Variants in AUH observed in about 807,000 individuals in gnomAD.
AUH encodes the protein methylglutaconyl-CoA hydratase, mitochondrial.
AUH carries 29 observed loss-of-function variants against 42.3 expected under a neutral mutation model. That is an observed-to-expected ratio of 0.69 (90% CI 0.51 to 0.93). The LOEUF is 0.93. Among genes scored for constraint, AUH ranks in the 40% least tolerant of loss-of-function variants. The pLI, the probability that AUH is intolerant of heterozygous loss-of-function variation, is 0.00. For synonymous variants in AUH, 174 were observed against 166.4 expected (o/e 1.05, Z -0.35); for missense variants, 452 against 438.1 (o/e 1.03, Z -0.28).
intron 3 of AUH, among the ~76,000 whole-genome samples, chr9:91,334,647 A>G (rs1246625289): frequency 6.6e-6 from 1 of 152,188 alleles, no homozygotes; most frequent in Non-Finnish European, 1.5e-5. Flanking sequence ...TTCTATTGAT[A>G]CTATTTATCT....
At chr9:91,306,422 C>G in intron 4 of AUH, 1 of 976,706 alleles carries the variant, frequency 1.0e-6, no homozygotes, top group Non-Finnish European at 1.2e-6. Flanking sequence ...TAAATGCAGT[C>G]ACTTCTATTT....
In AUH at chr9:91,214,166, A is replaced by G; in HGVS notation, c.*182T>C. 1.7e-6 allele frequency: 1 copy of G among 605,654 alleles called. No homozygotes were observed. Among genetic ancestry groups the G allele is most frequent in the Admixed American group, 2.6e-5 (1 of 38,460 alleles). 37.5% of individuals were successfully genotyped at this position (605,654 alleles called of 1,614,324 possible). A position where few individuals can be genotyped will look rare whatever the true frequency, so the allele number is the denominator to read the frequency against. ...AGCTTTATAAATCTGAATGAATATGACATTTACACATTTGAATGAAGTACA... is the reference window on the plus strand; with the variant it reads ...AGCTTTATAAATCTGAATGAATATGGCATTTACACATTTGAATGAAGTACA... On this transcript the variant is annotated 3_prime_UTR_variant, in exon 10 of 10. Coordinates refer to ENST00000375731, the MANE Select transcript of AUH (RefSeq NM_001698.3).
chr9:91,345,320 C>T (rs1320868564), intron 3 of AUH, among the ~76,000 whole-genome samples: 2 of 151,806 alleles, frequency 1.3e-5, no homozygotes, highest in African/African-American at 2.4e-5. Context: ...AAAAAGAGTC[C>T]TAGAAGTAAA....
chr9:91,230,547 C>G (rs1055054598), intron 6 of AUH, among the ~76,000 whole-genome samples: 4 of 152,220 alleles, frequency 2.6e-5, no homozygotes, highest in Non-Finnish European at 5.9e-5. Context: ...GCCTTCTTCT[C>G]TCAGCTCGTC....
intron 6 of AUH, among the ~76,000 whole-genome samples, chr9:91,235,425 T>A (rs1828122167): frequency 6.6e-6 from 1 of 152,164 alleles, no homozygotes; most frequent in Non-Finnish European, 1.5e-5. Context: ...TCCGATATTA[T>A]GAACACTGAC....
intron 3 of AUH, among the ~76,000 whole-genome samples, chr9:91,347,642 G>A (rs1337301547): frequency 6.6e-6 from 1 of 152,048 alleles, no homozygotes; most frequent in Admixed American, 6.5e-5. Flanking sequence ...AAGAACAAGG[G>A]CAAAGACCAA....
chr9:91,243,638 C>G (rs546273229), intron 6 of AUH, among the ~76,000 whole-genome samples: 1 of 152,324 alleles, frequency 6.6e-6, no homozygotes, highest in African/African-American at 2.4e-5. Context: ...TGGAACTGAC[C>G]ACAAAGCACA....
At chr9:91,269,128 G>C (rs555032142) in intron 6 of AUH, among the ~76,000 whole-genome samples, 33 of 152,218 alleles carry the variant, frequency 2.2e-4, no homozygotes, top group African/African-American at 7.9e-4. Flanking sequence ...CTACAGGCGT[G>C]CGCCACCATG....
chr9:91,268,313 TAAACTCA>T, intron 6 of AUH, among the ~76,000 whole-genome samples: 1 of 152,204 alleles, frequency 6.6e-6, no homozygotes, highest in Non-Finnish European at 1.5e-5. Context: ...TGGTTTAAAA[TAAACTCA>T]TTCCAACATA....
At chr9:91,214,610 T>G (rs1324673192) in intron 9 of AUH, among the ~76,000 whole-genome samples, 185 bp from the exon 10 acceptor site, 4 of 152,212 alleles carry the variant, frequency 2.6e-5, no homozygotes, top group African/African-American at 9.7e-5. Context: ...TACCCCATTT[T>G]GCTCTTCTTT....
chr9:91,295,087 T>A (rs563929594), intron 6 of AUH, among the ~76,000 whole-genome samples: 2 of 152,312 alleles, frequency 1.3e-5, no homozygotes, highest in South Asian at 2.1e-4. Context: ...ATGCTTTTTT[T>A]AATAAGGGGT....
intron 6 of AUH, among the ~76,000 whole-genome samples, chr9:91,282,475 C>G (rs1422905277): frequency 6.6e-6 from 1 of 152,030 alleles, no homozygotes; most frequent in Non-Finnish European, 1.5e-5. Flanking sequence ...CCCCAGTGTC[C>G]ACATCAGCAC....
intron 3 of AUH, among the ~76,000 whole-genome samples, chr9:91,352,449 T>C (rs1309364786): frequency 6.6e-6 from 1 of 151,902 alleles, no homozygotes; most frequent in African/African-American, 2.4e-5. Flanking sequence ...ATGAATAAAG[T>C]AGAGGAAGTA....
chr9:91,341,615 C>T (rs1357704888), intron 3 of AUH, among the ~76,000 whole-genome samples: 1 of 152,176 alleles, frequency 6.6e-6, no homozygotes, highest in Non-Finnish European at 1.5e-5. Flanking sequence ...GACATTTTGC[C>T]AATGTTACTT....
chr9:91,217,377 A>G (rs763784488), intron 7 of AUH, 50 bp from the exon 8 acceptor site: 35 of 1,556,946 alleles, frequency 2.2e-5, no homozygotes, highest in Middle Eastern at 3.3e-4. Context: ...TATGCAAATT[A>G]TGTCGTATAT....
intron 3 of AUH, among the ~76,000 whole-genome samples, chr9:91,332,421 G>A (rs544346671): frequency 6.6e-6 from 1 of 152,282 alleles, no homozygotes; most frequent in East Asian, 1.9e-4. Context: ...AAAATCACTT[G>A]AATCCAGGAG....
intron 3 of AUH, among the ~76,000 whole-genome samples, chr9:91,335,406 C>T (rs1830622208): frequency 6.6e-6 from 1 of 152,162 alleles, no homozygotes; most frequent in Admixed American, 6.5e-5. Flanking sequence ...ATCTATGGCT[C>T]CCTTTTCCAA....
intron 6 of AUH, among the ~76,000 whole-genome samples, chr9:91,276,368 T>C (rs1170250450): frequency 6.6e-6 from 1 of 151,048 alleles, no homozygotes; most frequent in African/African-American, 2.4e-5. Context: ...GAGGCAGAGG[T>C]TGCAGTGAGC....
intron 9 of AUH, among the ~76,000 whole-genome samples, chr9:91,214,846 G>T (rs558107847): frequency 5.8e-4 from 88 of 152,270 alleles, no homozygotes; most frequent in Non-Finnish European, 9.9e-4. Flanking sequence ...AATATTTTGG[G>T]TTTTTCCAGC....
Sources: gnomAD v4.1 joint callset for allele counts (sites outside exome capture counted in the v4.1 genomes callset) on GRCh38, gnomAD v4.1.1 for gene constraint, MANE v1.5 for transcripts, NCBI Gene and HGNC (gene_info 2026-07-23, HGNC 2026-07-21) for gene names.